The following SETD1B variants were observed in gnomAD, a reference collection of about 807,000 sequenced individuals.
SETD1B encodes SET domain containing 1B, histone lysine methyltransferase.
SETD1B carries 7 observed loss-of-function variants against 148.0 expected under a neutral mutation model. That is an observed-to-expected ratio of 0.05 (90% CI 0.03 to 0.09). The LOEUF (loss-of-function observed/expected upper bound fraction) is 0.09. SETD1B is among the 10% of genes least tolerant of loss of function. SETD1B has a pLI of 1.00. For missense variants in SETD1B, 2,155 were observed against 2,729.9 expected, an observed-to-expected ratio of 0.79 and a Z score of 4.69; for synonymous variants, 1,361 against 1,186.5, an observed-to-expected ratio of 1.15 and a Z score of -3.02.
At chr12:121,818,573 A>G (rs1036294874) in intron 10 of SETD1B, among the ~76,000 whole-genome samples, 2 of 151,658 alleles carry the variant, frequency 1.3e-5, no homozygotes, top group African/African-American at 4.8e-5. Flanking sequence ...AAAAAAAATA[A>G]TAAATAAAAT....
chr12:121,827,277 G>T (rs538581470), intron 13 of SETD1B, among the ~76,000 whole-genome samples: 1 of 152,290 alleles, frequency 6.6e-6, no homozygotes, highest in African/African-American at 2.4e-5. Context: ...CGGCTGAAAT[G>T]GGGAAAAGAC....
chr12:121,793,552 C>A, the SETD1B span: 1 of 1,548,654 alleles, frequency 6.5e-7, no homozygotes, highest in Non-Finnish European at 8.7e-7. Flanking sequence ...CCGCAGCCGC[C>A]GTCGCCCACG....
Position 121,819,854 on chromosome 12 carries a change from A to G in SETD1B, c.3869A>G (p.Glu1290Gly). ...MLLSPEPPAK[E>G]VEARPPLSPE... ...CTGTCTCCAGAGCCCCCTGCCAAGG[A>G]GGTGGAGGCTCGACCCCCATTGTCC... Residue 1290 changes from glutamate (E) to glycine (G), a missense_variant, in exon 11 of 17, where the codon GAG becomes GGG. Physicochemically the swap from Glu to Gly is moderately conservative, Grantham distance 98. Coordinates refer to ENST00000604567, the MANE Select transcript of SETD1B (RefSeq NM_001353345.2). 1.3e-6 allele frequency: 2 copies of G among 1,551,296 alleles called. No individual in the cohort carries two copies. Among genetic ancestry groups the G allele is most frequent in the Non-Finnish European group, 1.7e-6 (2 of 1,146,864 alleles).
chr12:121,793,099 A>G, the SETD1B span: 2 of 1,467,676 alleles, frequency 1.4e-6, no homozygotes, highest in Non-Finnish European at 1.9e-6. Context: ...CCGGGAGGGG[A>G]AACCCTTCGG....
intron 10 of SETD1B, among the ~76,000 whole-genome samples, chr12:121,818,675 G>A (rs1002118336): frequency 3.3e-5 from 5 of 152,054 alleles, no homozygotes; most frequent in Non-Finnish European, 7.4e-5. Context: ...TGGATCACGA[G>A]GTCAACAGAT....
At position 121,823,179 on chromosome 12, in the gene SETD1B, G is replaced by A. The variant is rs773144059; in HGVS notation, c.4600G>A (p.Gly1534Arg). The stretch of plus-strand genomic sequence containing the variant: ...CCCACCATCTATGCTCTCCTTGGAT[G>A]GGCCCTTGGTCCGACCACCAGCAGG... ...RSPPSMLSLD[G>R]PLVRPPAGAA... Residue 1534 changes from glycine (G) to arginine (R), a missense_variant, in exon 12 of 17, where the codon GGG becomes AGG. By Grantham distance (125) the Gly-to-Arg change is moderately radical (BLOSUM62 -2). Coordinates refer to ENST00000604567, the MANE Select transcript of SETD1B (RefSeq NM_001353345.2). 5.2e-6 allele frequency: 8 copies of A among 1,545,836 alleles called. No homozygotes were observed. The highest frequency in any genetic ancestry group is 3.6e-5 in the South Asian group (3 of 84,038).
the SETD1B span, among the ~76,000 whole-genome samples, chr12:121,790,419 C>G: frequency 6.6e-6 from 1 of 152,396 alleles, no homozygotes; most frequent in East Asian, 1.9e-4. Flanking sequence ...ACGTGGCCGC[C>G]TGGCCATGGC....
chr12:121,808,447 A>G lies in SETD1B; in HGVS notation c.657+127A>G. 1 of 629,988 alleles carries G rather than the reference A, an allele frequency of 1.6e-6. No individual in the cohort carries two copies. 39.0% of individuals were successfully genotyped at this position (629,988 alleles called of 1,614,324 possible). On this transcript the variant is annotated intron_variant, in intron 5 of 16. Coordinates refer to ENST00000604567, the MANE Select transcript of SETD1B (RefSeq NM_001353345.2). The surrounding 1 kb of genome is among the most constrained non-coding windows in gnomAD (Gnocchi z 5.3). ...CCACCTCACTCCAGCTTTGGAGACC[A>G]AGGCCTAGGAGGGTGTGAAGCCTGG...
At chr12:121,820,124 C>T (rs1302231508) in intron 11 of SETD1B, among the ~76,000 whole-genome samples, 1 of 152,248 alleles carries the variant, frequency 6.6e-6, no homozygotes, top group African/African-American at 2.4e-5. Context: ...TGCTATTTTT[C>T]AGTCCTCACT....
intron 6 of SETD1B, among the ~76,000 whole-genome samples, chr12:121,812,820 C>T (rs774141133): frequency 1.2e-4 from 18 of 152,164 alleles, no homozygotes; most frequent in Admixed American, 3.9e-4. Flanking sequence ...TCCAGAGCTT[C>T]CTGCCGCTGC....
At chr12:121,803,003 A>T (rs1374012229), upstream of SETD1B, 1 of 152,248 alleles carries the variant, frequency 6.6e-6, no homozygotes, top group Non-Finnish European at 1.5e-5. This position sits in a 1 kb window ranked among gnomAD's most constrained non-coding sequence, Gnocchi z 4.7. Context: ...CCGCGCGCTG[A>T]TTGGCTGCCG....
rs1592988163 is a variant in SETD1B, at chr12:121,822,903, C to T, written c.4324C>T (p.Pro1442Ser). 2 of 1,502,412 alleles carry T rather than the reference C, an allele frequency of 1.3e-6. No homozygotes were observed. The highest frequency in any genetic ancestry group is 8.9e-7 in the Non-Finnish European group (1 of 1,121,478). The allele number at this position is 1,502,412 out of a possible 1,614,324, so 93.1% of individuals were successfully genotyped here. The change falls in exon 12 of 17, where the codon CCC (proline) becomes TCC (serine). Residue 1442 changes from proline to serine, a missense_variant. Physicochemically the swap from Pro to Ser is moderately conservative, Grantham distance 74. This residue lies in a region of SETD1B where 862 missense variants were observed against 873.8 expected (regional missense o/e 0.99). Transcript: ENST00000604567. ...ACCCACCTTCTCCGAGCCCAGCGGGCCCTTGCTCCTGCCCGTCTGCCCACT... is the reference window on the plus strand; with the variant it reads ...ACCCACCTTCTCCGAGCCCAGCGGGTCCTTGCTCCTGCCCGTCTGCCCACT... ...FTPTFSEPSG[P>S]LLLPVCPLPT...
At chr12:121,828,898 T>C (rs570091923) in intron 16 of SETD1B, among the ~76,000 whole-genome samples, 1 of 152,374 alleles carries the variant, frequency 6.6e-6, no homozygotes, top group South Asian at 2.1e-4. Flanking sequence ...CTGCTGGCTC[T>C]CTTCGTTGTG....
rs1161644942 is a variant in SETD1B at position 121,805,687 on chromosome 12, A to G, written c.274-148A>G. The G allele has an allele frequency of 2.9e-6, 2 of 688,372 alleles. No individual in the cohort carries two copies. Among genetic ancestry groups the G allele is most frequent in the East Asian group, 3.6e-5 (1 of 27,622 alleles). 42.6% of individuals were successfully genotyped at this position (688,372 alleles called of 1,614,324 possible). A position where few individuals can be genotyped will look rare whatever the true frequency, so the allele number is the denominator to read the frequency against. On this transcript the variant is annotated intron_variant, in intron 3 of 16. Transcript: ENST00000604567. The surrounding 1 kb of genome is among the most constrained non-coding windows in gnomAD (Gnocchi z 4.2). ...CGCGTGCATTTTTTTTTTCCAAAAAAAATTTTTTTTTTTTTTTTAATTTTT... is the reference window on the plus strand; with the variant it reads ...CGCGTGCATTTTTTTTTTCCAAAAAGAATTTTTTTTTTTTTTTTAATTTTT...
chr12:121,825,401 C>T, intron 13 of SETD1B, 35 bp downstream of exon 13: 1 of 1,519,130 alleles, frequency 6.6e-7, no homozygotes. Context: ...TCAGAGCCTG[C>T]TGGGCTGGGC....
intron 4 of SETD1B, among the ~76,000 whole-genome samples, chr12:121,807,541 A>C (rs1288803854): frequency 6.6e-6 from 1 of 152,152 alleles, no homozygotes; most frequent in East Asian, 1.9e-4. Flanking sequence ...AGAGACCAGT[A>C]AAGTGTAGCT....
Position 121,822,974 on chromosome 12 carries a change from G to C in SETD1B, c.4395G>C (p.Pro1465=), listed in dbSNP as rs1226042441. 21 of 1,536,336 alleles carry C rather than the reference G, an allele frequency of 1.4e-5. 1 individual carries two copies. Among genetic ancestry groups the C allele is most frequent in the Non-Finnish European group, 1.8e-5 (21 of 1,141,804 alleles). ...AACGCTCCGGGCCCCTGGCCTCCCC[G>C]GTGCTCCTGGAGACGGGCCTGCCCC... The part of the protein sequence containing the change: ...RDERSGPLAS[P]VLLETGLPLP... The change falls in exon 12 of 17, where the codon CCG becomes CCC. Residue 1465 remains proline (P), a synonymous_variant. Coordinates refer to ENST00000604567, the MANE Select transcript of SETD1B (RefSeq NM_001353345.2).
intron 6 of SETD1B, among the ~76,000 whole-genome samples, chr12:121,812,895 A>G (rs1021398273): frequency 3.3e-5 from 5 of 151,916 alleles, no homozygotes; most frequent in Non-Finnish European, 5.9e-5. Context: ...GGCCTTCCTC[A>G]CCTGTAGTCT....
intron 4 of SETD1B, 114 bp downstream of exon 4, chr12:121,806,219 C>G (rs541225332): frequency 3.8e-5 from 45 of 1,193,704 alleles, no homozygotes; most frequent in South Asian, 4.6e-5. Flanking sequence ...GATCCCCCCC[C>G]ACAACCTTAT....
Sources: allele counts gnomAD v4.1 joint callset (sites outside exome capture counted in the v4.1 genomes callset), GRCh38; gene constraint gnomAD v4.1.1; regional missense constraint gnomAD v4.1.1; non-coding constraint Gnocchi (gnomAD v3.1); transcripts MANE v1.5; gene names NCBI Gene and HGNC (gene_info 2026-07-23, HGNC 2026-07-21).